The following GRAP2 variants were observed in gnomAD, a reference collection of about 807,000 sequenced individuals.
GRAP2 encodes the protein GRB2-related adapter protein 2.
GRAP2 carries 31 observed loss-of-function variants against 43.5 expected under a neutral mutation model. The observed-to-expected ratio is 0.71, with a 90% CI of 0.54 to 0.96. GRAP2 has a LOEUF of 0.96. Among genes scored for constraint, GRAP2 ranks in the 40% least tolerant of loss-of-function variants. The pLI is 0.00. For missense variants in GRAP2, 371 were observed against 424.4 expected, an observed-to-expected ratio of 0.87 and a Z score of 1.11; for synonymous variants, 156 against 164.8, an observed-to-expected ratio of 0.95 and a Z score of 0.41.
chr22:39,914,851 C>T (rs2066591747), intron 1 of GRAP2, among the ~76,000 whole-genome samples: 1 of 152,166 alleles, frequency 6.6e-6, no homozygotes. Flanking sequence ...TCTGCCTTCC[C>T]AGATCTTGAA....
intron 1 of GRAP2, among the ~76,000 whole-genome samples, chr22:39,941,752 C>T (rs1036916943): frequency 6.6e-6 from 1 of 152,154 alleles, no homozygotes; most frequent in African/African-American, 2.4e-5. Context: ...GTGACAGAGA[C>T]TAGATGGCCA....
intron 1 of GRAP2, among the ~76,000 whole-genome samples, chr22:39,931,388 A>C (rs1303953995): frequency 6.6e-6 from 1 of 152,204 alleles, no homozygotes; most frequent in Non-Finnish European, 1.5e-5. Context: ...CAACAGAACC[A>C]CATTTGGTAC....
chr22:39,968,533 A>G, intron 6 of GRAP2: 1 of 509,654 alleles, frequency 2.0e-6, no homozygotes, highest in Non-Finnish European at 3.4e-6. Context: ...ACTTCCCCTG[A>G]GGACCCAGTA....
intron 1 of GRAP2, among the ~76,000 whole-genome samples, chr22:39,911,464 T>A (rs1317356701): frequency 1.3e-5 from 2 of 151,884 alleles, no homozygotes; most frequent in African/African-American, 4.8e-5. Flanking sequence ...TAGGTTTCCG[T>A]CAGACTTTTG....
chr22:39,900,148 A>C (rs1407377927), upstream of GRAP2, among the ~76,000 whole-genome samples: 1 of 152,238 alleles, frequency 6.6e-6, no homozygotes, highest in Non-Finnish European at 1.5e-5. Flanking sequence ...TAAGAAAGTA[A>C]ATTTTAAGCA....
intron 1 of GRAP2, among the ~76,000 whole-genome samples, chr22:39,920,790 TAC>T (rs149221020): frequency 6.6e-6 from 1 of 151,364 alleles, no homozygotes; most frequent in Middle Eastern, 3.4e-3. Context: ...GTCTTATAAA[TAC>T]ACACACACAC....
the GRAP2 span, among the ~76,000 whole-genome samples, chr22:39,895,593 T>C: frequency 2.6e-5 from 4 of 152,314 alleles, no homozygotes; most frequent in East Asian, 5.8e-4. Flanking sequence ...ATGTATAGCT[T>C]ATGTAAATCT....
chr22:39,911,430 C>T (rs780810876), intron 1 of GRAP2, among the ~76,000 whole-genome samples: 5 of 151,522 alleles, frequency 3.3e-5, no homozygotes, highest in African/African-American at 9.7e-5. Flanking sequence ...GTTTGTAATA[C>T]GGGACTACAA....
intron 1 of GRAP2, among the ~76,000 whole-genome samples, chr22:39,919,880 A>C (rs1185485701): frequency 6.6e-6 from 1 of 152,224 alleles, no homozygotes; most frequent in Non-Finnish European, 1.5e-5. Context: ...CCTGATATGT[A>C]TTAGTCTATT....
At chr22:39,962,010 TA>T (rs1165010033) in intron 4 of GRAP2, among the ~76,000 whole-genome samples, 2 of 152,258 alleles carry the variant, frequency 1.3e-5, no homozygotes, top group Non-Finnish European at 2.9e-5. Context: ...TTTTCTTCAG[TA>T]AAAACTTTAT....
chr22:39,946,109 C>T (rs754523619), intron 1 of GRAP2, among the ~76,000 whole-genome samples: 1 of 152,238 alleles, frequency 6.6e-6, no homozygotes, highest in Non-Finnish European at 1.5e-5. Context: ...GATCTGCCCG[C>T]CTCGACCTCC....
chr22:39,934,743 C>T (rs1160513406), intron 1 of GRAP2, among the ~76,000 whole-genome samples: 1 of 152,012 alleles, frequency 6.6e-6, no homozygotes, highest in African/African-American at 2.4e-5. Flanking sequence ...TGGGGGCACA[C>T]GATTGTAGCC....
rs757844817 is a variant in GRAP2, at chr22:39,970,943, C to T, written c.852C>T (p.Ala284=). 6 of 1,613,088 alleles carry T rather than the reference C, an allele frequency of 3.7e-6. No individual in the cohort carries two copies. In the East Asian group the frequency reaches 8.9e-5, roughly 24 times the overall value. Residue 284 remains alanine (A), a synonymous_variant, in exon 8 of 8, where the codon GCC becomes GCT. Transcript: ENST00000344138. ...RWARALYDFE[A]LEDDELGFHS... ...CCCGGGCGCTGTATGACTTTGAGGC[C>T]CTGGAGGATGACGAGCTGGGGTTCC...
At chr22:39,964,574 T>C (rs2067152488) in intron 4 of GRAP2, 2 of 802,782 alleles carry the variant, frequency 2.5e-6, no homozygotes, top group African/African-American at 1.7e-5. Context: ...AAATAAGCTG[T>C]TCCTTGTGCC....
intron 7 of GRAP2, among the ~76,000 whole-genome samples, chr22:39,970,431 G>A (rs941765086): frequency 9.2e-5 from 14 of 152,176 alleles, no homozygotes; most frequent in Admixed American, 8.5e-4. Flanking sequence ...AAGGGCTGTT[G>A]TTTGGGGCAT....
chr22:39,962,020 A>G (rs1216056886), intron 4 of GRAP2, among the ~76,000 whole-genome samples: 1 of 152,198 alleles, frequency 6.6e-6, no homozygotes, highest in African/African-American at 2.4e-5. Context: ...TAAAAACTTT[A>G]TTTTCATAGC....
chr22:39,926,190 T>C (rs1424276623), intron 1 of GRAP2, among the ~76,000 whole-genome samples: 4 of 152,218 alleles, frequency 2.6e-5, no homozygotes, highest in Non-Finnish European at 5.9e-5. Context: ...CAGTTGCATA[T>C]TTGTCTTTTT....
At chr22:39,904,083 A>G (rs1323079846) in intron 1 of GRAP2, among the ~76,000 whole-genome samples, 1 of 152,280 alleles carries the variant, frequency 6.6e-6, no homozygotes. Context: ...ATGTTAAGAC[A>G]TACCTTAAGG....
intron 5 of GRAP2, among the ~76,000 whole-genome samples, chr22:39,967,784 T>TACCAGGCAA (rs2067190233): frequency 6.6e-6 from 1 of 152,188 alleles, no homozygotes; most frequent in Non-Finnish European, 1.5e-5. Context: ...GGAAATGGAC[T>TACCAGGCAA]AAATGGCTAC....
Sources: allele counts gnomAD v4.1 joint callset (sites outside exome capture counted in the v4.1 genomes callset), GRCh38; gene constraint gnomAD v4.1.1; transcripts MANE v1.5; gene names NCBI Gene and HGNC (gene_info 2026-07-23, HGNC 2026-07-21).